The following NRDC variants were observed in gnomAD, a reference collection of about 807,000 sequenced individuals.
NRDC encodes nardilysin.
A neutral mutation model predicts 147.1 loss-of-function variants in NRDC; 54 were observed. The observed-to-expected ratio is 0.37, with a 90% CI of 0.29 to 0.46. The LOEUF (loss-of-function observed/expected upper bound fraction) is 0.46. Among genes scored for constraint, NRDC ranks in the 20% least tolerant of loss-of-function variants. The pLI is 1.00. For synonymous variants in NRDC, 440 were observed against 482.1 expected (o/e 0.91, Z 1.14); for missense variants, 1,082 against 1,370.6 (o/e 0.79, Z 3.33).
intron 14 of NRDC, among the ~76,000 whole-genome samples, chr1:51,812,493 A>G (rs1186785970): frequency 6.6e-6 from 1 of 151,714 alleles, no homozygotes; most frequent in Non-Finnish European, 1.5e-5. Context: ...GTGCCACCAT[A>G]CTCCAGCATG....
At chr1:51,829,033 A>G (rs550655226) in intron 4 of NRDC, among the ~76,000 whole-genome samples, 1 of 152,216 alleles carries the variant, frequency 6.6e-6, no homozygotes, top group South Asian at 2.1e-4. Context: ...AGTACTTGGT[A>G]TGATTAATGA....
intron 1 of NRDC, among the ~76,000 whole-genome samples, chr1:51,848,484 A>AAATAATAATAATAAT (rs764980061): frequency 2.6e-5 from 4 of 151,926 alleles, no homozygotes; most frequent in African/African-American, 9.7e-5. Context: ...CCGTCTCAAA[A>AAATAATAATAATAAT]AATAATAATA....
chr1:51,792,242 G>T, intron 25 of NRDC, 135 bp downstream of exon 25: 1 of 1,333,728 alleles, frequency 7.5e-7, no homozygotes, highest in Non-Finnish European at 1.1e-6. Context: ...TACTGGGTGA[G>T]AACAGTAAAT....
chr1:51,864,528 G>A (rs1418734763), intron 1 of NRDC, among the ~76,000 whole-genome samples: 2 of 152,174 alleles, frequency 1.3e-5, no homozygotes, highest in South Asian at 2.1e-4. Flanking sequence ...TTCACCTCCT[G>A]ACTGACAAAG....
At chr1:51,828,091 C>G (rs1680524106) in intron 4 of NRDC, among the ~76,000 whole-genome samples, 2 of 152,162 alleles carry the variant, frequency 1.3e-5, no homozygotes, top group Non-Finnish European at 2.9e-5. Flanking sequence ...GAAAAGTTAA[C>G]AAAACATGAA....
Position 51,792,078 on chromosome 1 carries a change from A to C in NRDC, c.2844T>G (p.Cys948Trp). 6.2e-7 allele frequency: 1 copy of C among 1,614,018 alleles called. No homozygotes were observed. The highest frequency in any genetic ancestry group is 8.5e-7 in the Non-Finnish European group (1 of 1,179,990). ...ELLVMHMEEP[C>W]FDFLRTKQTL... ...TCTGCTTGGTTCGAAGGAAGTCAAA[A>C]CAAGGTTCTTCCATGTGCATCTGTA... Residue 948 changes from cysteine to tryptophan, a missense_variant, in exon 26 of 31, where the codon TGT (cysteine) becomes TGG (tryptophan). This residue lies in a region of NRDC where 635 missense variants were observed against 923.8 expected (regional missense o/e 0.69). Coordinates refer to ENST00000352171, the MANE Select transcript of NRDC (RefSeq NM_001101662.2).
At chr1:51,873,129 T>C (rs1683160747) in intron 1 of NRDC, among the ~76,000 whole-genome samples, 1 of 152,208 alleles carries the variant, frequency 6.6e-6, no homozygotes, top group Non-Finnish European at 1.5e-5. Flanking sequence ...GTTTTCATTG[T>C]AAATATCAAC....
In NRDC at chr1:51,816,353, TC is replaced by T; in HGVS notation, c.1397del (p.Gly466AspfsTer45). On this transcript the variant is annotated frameshift_variant, in exon 11 of 31. Coordinates refer to ENST00000352171, the MANE Select transcript of NRDC (RefSeq NM_001101662.2). LOFTEE classifies it high-confidence loss of function. ...AAAGAATGCTGCCTTTGCCTTCATGTCCAACCAGCCAGGATATATAATGAAG... is the reference window on the plus strand; with the variant it reads ...AAAGAATGCTGCCTTTGCCTTCATGTCAACCAGCCAGGATATATAATGAAG... Reference protein sequence around the residue: ...KPLHYISWLVGHEGKGSILSF... With the variant: ...KPLHYISWLVXHEGKGSILSF... 1 of 1,601,712 alleles carries T rather than the reference TC, an allele frequency of 6.2e-7. No individual in the cohort carries two copies.
rs556687771 is a variant in NRDC at position 51,872,887 on chromosome 1, GTGAGA to G, written c.341+5383_341+5387del. The stretch of plus-strand genomic sequence containing the variant: ...AGGTTACCTTTACTTTACAAGACAA[GTGAGA>G]GTGCAAAACAAAAAGAAATTTGGAT... On this transcript the variant is annotated intron_variant, in intron 1 of 30. Transcript: ENST00000352171. Among the ~76,000 whole-genome samples the G allele has an allele frequency of 4.0e-3, 606 of 151,638 alleles. 5 individuals are homozygous for G. The highest frequency in any genetic ancestry group is 8.5e-3 in the Admixed American group (129 of 15,264).
At position 51,789,397 on chromosome 1, in the gene NRDC, C is replaced by T. The variant is rs775099529; in HGVS notation, c.3295G>A (p.Gly1099Ser). ...TTTGAATCCTCACTAGAAGGGGTAC[C>T]ATCCTCTTCCAGTTCATACTTCCCA... ...GYGKYELEED[G>S]TPSSEDSNSS... Residue 1099 changes from glycine to serine, a missense_variant, in exon 31 of 31, where the codon GGT becomes AGT. Transcript: ENST00000352171. 2.5e-6 allele frequency: 4 copies of T among 1,614,076 alleles called. No homozygotes were observed. Among genetic ancestry groups the T allele is most frequent in the East Asian group, 2.2e-5 (1 of 44,876 alleles).
At chr1:51,836,403 G>C (rs775280677) in intron 2 of NRDC, 191 bp from the exon 3 acceptor site, 1 of 1,613,640 alleles carries the variant, frequency 6.2e-7, no homozygotes, top group African/African-American at 1.3e-5. Context: ...CTGCTCCTCC[G>C]CTTGCCATCC....
At chr1:51,848,505 G>A (rs1681771117) in intron 1 of NRDC, among the ~76,000 whole-genome samples, 1 of 151,438 alleles carries the variant, frequency 6.6e-6, no homozygotes, top group Non-Finnish European at 1.5e-5. Flanking sequence ...ATAATAATAA[G>A]GTACAAATAT....
In NRDC at chr1:51,818,127, T is replaced by A; in HGVS notation, c.1300A>T (p.Ile434Phe). Residue 434 changes from isoleucine to phenylalanine, a missense_variant, in exon 10 of 31, where the codon ATC becomes TTC. By Grantham distance (21) the Ile-to-Phe change is conservative. Transcript: ENST00000352171. ...AFNKLYRVVPIRKIHALTITW... is the reference protein window; with the variant it reads ...AFNKLYRVVPFRKIHALTITW... ...ATGGTCAGAGCATGAATTTTTCTGATTGGAACAACTAAACAAAAATATTTT... is the reference window on the plus strand; with the variant it reads ...ATGGTCAGAGCATGAATTTTTCTGAATGGAACAACTAAACAAAAATATTTT... The A allele has an allele frequency of 6.2e-7, 1 of 1,602,200 alleles. No homozygotes were observed. Among genetic ancestry groups the A allele is most frequent in the South Asian group, 1.1e-5 (1 of 88,998 alleles).
At chr1:51,816,661 T>C (rs1445582554) in intron 10 of NRDC, among the ~76,000 whole-genome samples, 1 of 152,186 alleles carries the variant, frequency 6.6e-6, no homozygotes, top group Admixed American at 6.5e-5. Flanking sequence ...ACTTATCTGC[T>C]CTCATGATAA....
intron 16 of NRDC, 150 bp downstream of exon 16, chr1:51,810,131 G>A: frequency 2.1e-6 from 1 of 465,398 alleles, no homozygotes; most frequent in Admixed American, 4.3e-5. Flanking sequence ...ATAACTTCCT[G>A]TGCAGTAGTA....
intron 1 of NRDC, among the ~76,000 whole-genome samples, chr1:51,874,157 A>AG: frequency 6.6e-6 from 1 of 151,300 alleles, no homozygotes; most frequent in African/African-American, 2.4e-5. Context: ...AAAAAAAAAA[A>AG]AAAGAAGTTT....
intron 1 of NRDC, 26 bp downstream of exon 1, chr1:51,878,249 T>C: frequency 6.3e-7 from 1 of 1,590,728 alleles, no homozygotes; most frequent in Non-Finnish European, 8.6e-7. Context: ...ACTGTTCGCC[T>C]CCCCATTGCA....
intron 3 of NRDC, among the ~76,000 whole-genome samples, chr1:51,835,087 A>G (rs1366213556): frequency 1.3e-5 from 2 of 152,250 alleles, no homozygotes; most frequent in East Asian, 3.9e-4. Flanking sequence ...TTTGAGCTGG[A>G]GTCTCGCTCC....
intron 29 of NRDC, among the ~76,000 whole-genome samples, chr1:51,790,240 C>T (rs139591638): frequency 1.2e-4 from 19 of 152,276 alleles, no homozygotes; most frequent in East Asian, 3.9e-4. Context: ...TTTCTTTAAA[C>T]GGCAAAACTC....
Sources: gnomAD v4.1 joint callset for allele counts (sites outside exome capture counted in the v4.1 genomes callset) on GRCh38, gnomAD v4.1.1 for gene constraint, gnomAD v4.1.1 regional missense constraint, MANE v1.5 for transcripts, NCBI Gene and HGNC (gene_info 2026-07-23, HGNC 2026-07-21) for gene names.